VPS50: variants seen among roughly 807,000 people sequenced by gnomAD.
VPS50 encodes VPS50 subunit of EARP/GARPII complex, also known as syndetin.
In VPS50, 70 loss-of-function variants were observed where a neutral mutation model predicts 139.7. That is an observed-to-expected ratio of 0.50 (90% CI 0.41 to 0.61). The LOEUF (loss-of-function observed/expected upper bound fraction) is 0.61. VPS50 is among the 20% of genes least tolerant of loss of function. The pLI, the probability that VPS50 is intolerant of heterozygous loss-of-function variation, is 0.00. For synonymous variants in VPS50, 365 were observed against 376.7 expected (o/e 0.97, Z 0.36); for missense variants, 921 against 1,133.7 (o/e 0.81, Z 2.69).
chr7:93,327,454 A>AT (rs1797815956), intron 21 of VPS50, among the ~76,000 whole-genome samples: 1 of 152,124 alleles, frequency 6.6e-6, no homozygotes, highest in African/African-American at 2.4e-5. Flanking sequence ...CTGACACAGA[A>AT]TTTTTTCAGA....
At chr7:93,254,009 T>C in intron 4 of VPS50, 78 bp downstream of exon 4, 2 of 687,212 alleles carry the variant, frequency 2.9e-6, no homozygotes. Context: ...GTTTGCAGAT[T>C]TATGGTTTTA....
intron 21 of VPS50, 22 bp downstream of exon 21, chr7:93,323,754 A>G: frequency 7.6e-7 from 1 of 1,323,698 alleles, no homozygotes; most frequent in Non-Finnish European, 1.0e-6. Context: ...TTTAGAGGGA[A>G]AAAAATCTTT....
At chr7:93,246,447 T>C (rs1562848060) in intron 2 of VPS50, among the ~76,000 whole-genome samples, 3 of 151,602 alleles carry the variant, frequency 2.0e-5, no homozygotes, top group Non-Finnish European at 3.0e-5. Flanking sequence ...TTATTCTATA[T>C]ATTTTTTTCA....
At chr7:93,261,327 G>A (rs897344379) in intron 9 of VPS50, among the ~76,000 whole-genome samples, 1 of 152,066 alleles carries the variant, frequency 6.6e-6, no homozygotes, top group African/African-American at 2.4e-5. Context: ...ATAATCCTTG[G>A]TTTCATAAAG....
intron 2 of VPS50, chr7:93,246,212 G>T: frequency 4.4e-6 from 4 of 912,858 alleles, no homozygotes; most frequent in South Asian, 3.0e-5. Flanking sequence ...GTAAAAAAAA[G>T]TCTTTGATCA....
intron 23 of VPS50, among the ~76,000 whole-genome samples, chr7:93,342,191 T>C (rs764039609): frequency 2.6e-5 from 4 of 152,236 alleles, no homozygotes; most frequent in Admixed American, 2.0e-4. Context: ...GGGAGTTCCC[T>C]TTCCTAGTCA....
chr7:93,326,685 A>G, intron 21 of VPS50, among the ~76,000 whole-genome samples: 1 of 151,924 alleles, frequency 6.6e-6, no homozygotes. Flanking sequence ...AACTAATTTG[A>G]TACTTTAAAA....
intron 12 of VPS50, among the ~76,000 whole-genome samples, chr7:93,277,516 G>C (rs1796194507): frequency 6.6e-6 from 1 of 152,126 alleles, no homozygotes; most frequent in Admixed American, 6.5e-5. Context: ...GAATTTCTTT[G>C]TCAAACCTGC....
intron 21 of VPS50, among the ~76,000 whole-genome samples, chr7:93,332,744 C>T (rs1198014473): frequency 2.6e-5 from 4 of 151,994 alleles, no homozygotes; most frequent in Non-Finnish European, 5.9e-5. Flanking sequence ...GTAAACTGAA[C>T]AAGTAAAGAG....
chr7:93,350,038 G>A lies in VPS50; in HGVS notation c.2463+5G>A, dbSNP rs1380368922. 1 of 1,608,312 alleles carries A rather than the reference G, an allele frequency of 6.2e-7. No individual in the cohort carries two copies. The highest frequency in any genetic ancestry group is 8.5e-7 in the Non-Finnish European group (1 of 1,176,286). On this transcript the variant is annotated splice_donor_5th_base_variant and intron_variant, in intron 25 of 27. Coordinates refer to ENST00000305866, the MANE Select transcript of VPS50 (RefSeq NM_017667.4). ...TATGTAGATGCACTATTAAAGGCAA[G>A]TGTTCTGGGAAGCACCTGTGCTAAA...
chr7:93,353,551 C>A (rs1798616253), intron 25 of VPS50, 89 bp from the exon 26 acceptor site: 1 of 1,407,950 alleles, frequency 7.1e-7, no homozygotes, highest in East Asian at 2.3e-5. Context: ...CTGAGTCTTT[C>A]TAAATCTTTT....
chr7:93,339,449 T>C (rs1798154723), intron 22 of VPS50, among the ~76,000 whole-genome samples: 1 of 152,206 alleles, frequency 6.6e-6, no homozygotes, highest in Admixed American at 6.5e-5. Flanking sequence ...ATTTGATGTC[T>C]CATTTATTCA....
chr7:93,353,630 G>A lies in VPS50; in HGVS notation c.2464-10G>A, dbSNP rs1554382809. On this transcript the variant is annotated splice_polypyrimidine_tract_variant and intron_variant, in intron 25 of 27. Transcript: ENST00000305866. ...GATATTCACAAACAGCTACCTATTT[G>A]TCTTCTTAGGAATTTGAGCAGTTTA... is the stretch of plus-strand genomic sequence containing the variant. 1.9e-6 allele frequency: 3 copies of A among 1,606,376 alleles called. No individual in the cohort carries two copies. In the South Asian group the frequency reaches 3.4e-5, roughly 18 times the overall value.
chr7:93,280,783 A>G (rs1273812655), intron 12 of VPS50, among the ~76,000 whole-genome samples: 1 of 152,078 alleles, frequency 6.6e-6, no homozygotes, highest in African/African-American at 2.4e-5. Context: ...AGTTTTCTCA[A>G]CTATTTTTAA....
At chr7:93,347,720 G>T (rs548635024) in intron 23 of VPS50, among the ~76,000 whole-genome samples, 112 of 147,340 alleles carry the variant, frequency 7.6e-4, no homozygotes, top group Non-Finnish European at 1.0e-3. Flanking sequence ...GTAAACTATC[G>T]CAAGAACAAA....
chr7:93,316,777 A>C (rs1433495393), intron 20 of VPS50, among the ~76,000 whole-genome samples: 2 of 152,198 alleles, frequency 1.3e-5, no homozygotes, highest in Non-Finnish European at 2.9e-5. Flanking sequence ...CAGGAGAAAA[A>C]ACATGATCAG....
chr7:93,314,224 TGAAG>T, intron 20 of VPS50, among the ~76,000 whole-genome samples: 1 of 152,198 alleles, frequency 6.6e-6, no homozygotes, highest in East Asian at 1.9e-4. Context: ...CTTGAGAAGA[TGAAG>T]GAACTAATTA....
At position 93,301,733 on chromosome 7, in the gene VPS50, C is replaced by T. The variant is rs563591405; in HGVS notation, c.1362-1727C>T. ...AATAAATTTTTGCTTGTTTAAGTCA[C>T]CTAGTTTGTGGTAATTTGTTATAGC... On this transcript the variant is annotated intron_variant, in intron 16 of 27. Transcript: ENST00000305866. 2.0e-5 allele frequency among the ~76,000 whole-genome samples: 3 copies of T among 152,198 alleles called. No individual in the cohort carries two copies. The East Asian group carries it at 5.8e-4, about 29-fold the overall frequency.
At chr7:93,287,502 T>C (rs1054203082) in intron 12 of VPS50, among the ~76,000 whole-genome samples, 1 of 151,928 alleles carries the variant, frequency 6.6e-6, no homozygotes, top group African/African-American at 2.4e-5. Context: ...TAGGTTTAAG[T>C]TTTAATTTTC....
Sources: allele counts gnomAD v4.1 joint callset (sites outside exome capture counted in the v4.1 genomes callset), GRCh38; gene constraint gnomAD v4.1.1; transcripts MANE v1.5; gene names NCBI Gene and HGNC (gene_info 2026-07-23, HGNC 2026-07-21).